GLYATL1: variants seen among roughly 807,000 people sequenced by gnomAD.
GLYATL1 encodes the protein glycine-N-acyltransferase like 1.
Under a neutral mutation model 20.0 loss-of-function variants are expected in GLYATL1, and 15 were observed. The ratio of observed to expected loss-of-function variants is 0.75; its 90% CI spans 0.50 to 1.15. The LOEUF is 1.15. Among genes scored for constraint, GLYATL1 ranks in the 50% most tolerant of loss-of-function variants. GLYATL1 has a pLI of 0.00. For missense variants in GLYATL1, 380 were observed against 368.5 expected (o/e 1.03, Z -0.26); for synonymous variants, 151 against 131.5 (o/e 1.15, Z -1.01).
downstream of GLYATL1, among the ~76,000 whole-genome samples, chr11:58,909,601 G>A (rs1808064): frequency 0.74 from 112,796 of 152,098 alleles, 44,217 homozygotes; most frequent in Non-Finnish European, 0.88. Context: ...CAAGGATGAA[G>A]GAATGGCCTG....
At chr11:58,947,786 C>T in intron 3 of GLYATL1, 72 bp from the exon 4 acceptor site, 1 of 1,023,394 alleles carries the variant, frequency 9.8e-7, no homozygotes, top group Admixed American at 1.7e-5. Flanking sequence ...CCATTTTTCT[C>T]TTCCTCTTCA....
upstream of GLYATL1, among the ~76,000 whole-genome samples, chr11:58,937,407 AC>A (rs1018145590): frequency 1.3e-5 from 2 of 152,186 alleles, no homozygotes; most frequent in Non-Finnish European, 2.9e-5. Flanking sequence ...CAGTAAAGAA[AC>A]CTTCTTCCCT....
intron 4 of GLYATL1, among the ~76,000 whole-genome samples, chr11:58,948,942 T>C (rs1036605200): frequency 1.3e-5 from 2 of 152,222 alleles, no homozygotes; most frequent in Non-Finnish European, 2.9e-5. Context: ...AGTTTCATCA[T>C]CCGTTAAAAT....
At chr11:58,923,893 A>G (rs924915091), upstream of GLYATL1, among the ~76,000 whole-genome samples, 1 of 152,140 alleles carries the variant, frequency 6.6e-6, no homozygotes, top group South Asian at 2.1e-4. Context: ...TAATTGTACT[A>G]ATTTCTTTCT....
intron 1 of GLYATL1, among the ~76,000 whole-genome samples, chr11:58,914,419 G>A (rs1286051022): frequency 1.1e-4 from 16 of 152,152 alleles, no homozygotes; most frequent in Admixed American, 7.2e-4. Context: ...AGAGGTCTCC[G>A]GATGGCTCCC....
chr11:58,946,549 A>G (rs946461176), intron 2 of GLYATL1, among the ~76,000 whole-genome samples: 3 of 152,208 alleles, frequency 2.0e-5, no homozygotes, highest in African/African-American at 7.2e-5. Context: ...TGAAACTGGG[A>G]TAAGTTCCAA....
At chr11:58,945,625 G>A (rs548449143) in intron 2 of GLYATL1, among the ~76,000 whole-genome samples, 1 of 152,254 alleles carries the variant, frequency 6.6e-6, no homozygotes, top group East Asian at 1.9e-4. Context: ...TTGACCAAAA[G>A]CTCAAAGGAG....
rs141323143 is a variant in GLYATL1 at position 58,917,962 on chromosome 11, TTTTC to T, written n.264+12313_264+12316del. Reference sequence around the variant, plus strand: ...CATGTTTTGCTCTTTTAAATTTTATTTTTCTTTCTTTCTTTAATTTCCTGCCTCA... The same window carrying T: ...CATGTTTTGCTCTTTTAAATTTTATTTTTCTTTCTTTAATTTCCTGCCTCA... On this transcript the variant is annotated intron_variant and non_coding_transcript_variant, in intron 1 of 2. Coordinates refer to the GLYATL1 transcript ENST00000534674. Among the ~76,000 whole-genome samples the T allele has an allele frequency of 6.2e-3, 937 of 152,282 alleles. 3 individuals carry two copies. Among genetic ancestry groups the T allele is most frequent in the Non-Finnish European group, 9.9e-3 (673 of 68,008 alleles).
At chr11:58,929,401 T>C (rs1251837100) in intron 1 of GLYATL1, among the ~76,000 whole-genome samples, 1 of 152,234 alleles carries the variant, frequency 6.6e-6, no homozygotes, top group Non-Finnish European at 1.5e-5. Context: ...CTAATTGGCT[T>C]ATTACAGTGA....
intron 1 of GLYATL1, among the ~76,000 whole-genome samples, chr11:58,932,320 A>G (rs1318413528): frequency 1.3e-5 from 2 of 152,124 alleles, no homozygotes; most frequent in Non-Finnish European, 2.9e-5. Flanking sequence ...GAGAACTCTC[A>G]TTTCTCACTG....
chr11:58,908,344 T>A (rs1854957671), exon 2 of GLYATL1: 1 of 152,674 alleles, frequency 6.5e-6, no homozygotes. Flanking sequence ...TGTTTGAAAG[T>A]GGTTATTTCA....
rs753165310 is a variant in GLYATL1 at position 58,943,656 on chromosome 11, G to T, written c.-53G>T. 10 of 1,613,242 alleles carry T rather than the reference G, an allele frequency of 6.2e-6. No individual in the cohort carries two copies. The highest frequency in any genetic ancestry group is 8.5e-6 in the Non-Finnish European group (10 of 1,179,508). Reference sequence around the variant, plus strand: ...TGTCCATTGATCTCTCAGAGTGGCTGAGGATAATAGGTAAGCTCCCTCTCG... The same window carrying T: ...TGTCCATTGATCTCTCAGAGTGGCTTAGGATAATAGGTAAGCTCCCTCTCG... On this transcript the variant is annotated 5_prime_UTR_variant, in exon 2 of 7. Coordinates refer to ENST00000532726, the MANE Select transcript of GLYATL1 (RefSeq NM_001389712.2).
upstream of GLYATL1, among the ~76,000 whole-genome samples, chr11:58,924,536 T>A (rs1042012409): frequency 1.4e-4 from 21 of 152,236 alleles, no homozygotes; most frequent in Non-Finnish European, 2.8e-4. Flanking sequence ...CTTTAATATT[T>A]CTGGCACCAT....
intron 6 of GLYATL1, 124 bp from the exon 7 acceptor site, chr11:58,955,486 T>TACG (rs1857333292): frequency 1.4e-6 from 2 of 1,387,320 alleles, no homozygotes; most frequent in East Asian, 2.3e-5. Context: ...AAGTTCAAGA[T>TACG]CCAAAACTTT....
upstream of GLYATL1, among the ~76,000 whole-genome samples, chr11:58,923,399 T>C (rs1007846083): frequency 3.3e-5 from 5 of 152,146 alleles, no homozygotes; most frequent in African/African-American, 9.7e-5. Flanking sequence ...GGTTTCTCAT[T>C]GGTTACTTTG....
chr11:58,906,030 A>G (rs539574809), intron 1 of GLYATL1, among the ~76,000 whole-genome samples: 2 of 152,324 alleles, frequency 1.3e-5, no homozygotes, highest in East Asian at 3.9e-4. Flanking sequence ...TAGACAGGCA[A>G]GAGAGAAGTC....
At chr11:58,909,969 A>G (rs893988227), downstream of GLYATL1, among the ~76,000 whole-genome samples, 6 of 152,268 alleles carry the variant, frequency 3.9e-5, no homozygotes, top group African/African-American at 1.4e-4. Context: ...CATAGTGGCA[A>G]ACAGAGCTGC....
In GLYATL1 at chr11:58,956,143, C is replaced by A; in HGVS notation, c.*116C>A. 1.2e-6 allele frequency: 1 copy of A among 867,648 alleles called. No individual in the cohort carries two copies. Among genetic ancestry groups the A allele is most frequent in the Non-Finnish European group, 1.8e-6 (1 of 563,172 alleles). 53.7% of individuals were successfully genotyped at this position (867,648 alleles called of 1,614,324 possible). The stretch of plus-strand genomic sequence containing the variant: ...TTGGGCACTTATAATACAGCAGGAA[C>A]TCTTCTCACCTGGAGCCTTGATGTT... On this transcript the variant is annotated 3_prime_UTR_variant, in exon 7 of 7. Coordinates refer to ENST00000532726, the MANE Select transcript of GLYATL1 (RefSeq NM_001389712.2).
intron 1 of GLYATL1, among the ~76,000 whole-genome samples, chr11:58,914,607 C>T (rs1168389778): frequency 6.6e-6 from 1 of 152,102 alleles, no homozygotes; most frequent in East Asian, 1.9e-4. Context: ...TGGGGATTTC[C>T]ATATGATAAT....
Sources: allele counts gnomAD v4.1 joint callset (sites outside exome capture counted in the v4.1 genomes callset), GRCh38; gene constraint gnomAD v4.1.1; transcripts MANE v1.5; gene names NCBI Gene and HGNC (gene_info 2026-07-23, HGNC 2026-07-21).